Variants in TBC1D8 observed in about 807,000 individuals in gnomAD.
The protein encoded by TBC1D8 is BUB2-like protein 1.
Under a neutral mutation model 118.8 loss-of-function variants are expected in TBC1D8, and 65 were observed. The ratio of observed to expected loss-of-function variants is 0.55; its 90% confidence interval spans 0.45 to 0.67. TBC1D8 has a LOEUF of 0.67. TBC1D8 is among the 30% of genes least tolerant of loss of function. The probability of loss-of-function intolerance (pLI) is 0.00; values close to 1 mark genes in which losing one functional copy is unlikely to be tolerated. For synonymous variants in TBC1D8, 566 were observed against 595.8 expected (o/e 0.95, Z 0.73); for missense variants, 1,376 against 1,471.2 (o/e 0.94, Z 1.06).
intron 2 of TBC1D8, among the ~76,000 whole-genome samples, chr2:101,070,619 G>A (rs550784575): frequency 1.3e-5 from 2 of 151,848 alleles, no homozygotes; most frequent in Non-Finnish European, 2.9e-5. Context: ...CACCATGTTG[G>A]CCAGGCTAGT....
intron 2 of TBC1D8, among the ~76,000 whole-genome samples, chr2:101,089,206 T>G (rs998719330): frequency 7.2e-5 from 11 of 152,136 alleles, no homozygotes; most frequent in African/African-American, 2.7e-4. Context: ...AAATTTAATT[T>G]TTTTTTATTT....
chr2:101,013,962 A>G (rs1295125207), intron 17 of TBC1D8, among the ~76,000 whole-genome samples: 2 of 152,234 alleles, frequency 1.3e-5, no homozygotes, highest in African/African-American at 4.8e-5. Context: ...GCTTGGATTA[A>G]TCAGAAATTC....
Position 101,008,041 on chromosome 2 carries a change from T to C in TBC1D8, c.3248A>G (p.Gln1083Arg). The C allele has an allele frequency of 1.2e-6, 2 of 1,613,970 alleles. No homozygotes were observed. The highest frequency in any genetic ancestry group is 1.7e-6 in the Non-Finnish European group (2 of 1,179,876). The change falls in exon 20 of 20, where the codon CAG becomes CGG. Residue 1083 changes from glutamine (Q) to arginine (R), a missense_variant. Coordinates refer to ENST00000409318, the MANE Select transcript of TBC1D8 (RefSeq NM_001330348.2). ...CGCCTCTGGAAATGCCTGGGAGTCC[T>C]GGGGCGTCTTCCCAGTGTCTGCAAA... ...SVFADTGKTP[Q>R]DSQAFPEAAE...
intron 10 of TBC1D8, 135 bp downstream of exon 10, chr2:101,033,409 G>T (rs766805128): frequency 1.4e-5 from 15 of 1,052,346 alleles, no homozygotes; most frequent in Middle Eastern, 2.0e-4. Flanking sequence ...TTTCTTTCCG[G>T]AAAGGGACCG....
intron 1 of TBC1D8, among the ~76,000 whole-genome samples, chr2:101,127,942 C>G (rs549690416): frequency 2.0e-5 from 3 of 152,338 alleles, no homozygotes; most frequent in Non-Finnish European, 4.4e-5. Context: ...GTTAACTAAG[C>G]ACACTGGCTG....
At chr2:101,019,250 TAAGTGAAGAGAA>T in intron 17 of TBC1D8, 3 of 459,078 alleles carry the variant, frequency 6.5e-6, no homozygotes, top group African/African-American at 1.9e-5. Flanking sequence ...TAATAAGACT[TAAGTGAAGAGAA>T]TTCTTTAGGC....
chr2:101,050,414 G>A lies in TBC1D8; in HGVS notation c.859C>T (p.Gln287Ter). 2 of 1,613,142 alleles carry A rather than the reference G, an allele frequency of 1.2e-6. No individual in the cohort carries two copies. ...DLDPDLQEPS[Q>*]ITKRDLEARA... ...AGTCACTTTCACCTCTTGGTGATCT[G>A]GCTCGGCTCCTGCAGATCGGGGTCG... Residue 287 changes from glutamine (Q) to a stop codon, truncating the protein, a stop_gained, in exon 5 of 20, where the codon CAG becomes TAG. Coordinates refer to ENST00000409318, the MANE Select transcript of TBC1D8 (RefSeq NM_001330348.2). LOFTEE classifies it high-confidence loss of function.
At chr2:101,084,770 C>A (rs1238071847) in intron 2 of TBC1D8, among the ~76,000 whole-genome samples, 1 of 151,974 alleles carries the variant, frequency 6.6e-6, no homozygotes, top group Non-Finnish European at 1.5e-5. Context: ...TGGTACGTGG[C>A]AGGCAACAAA....
In TBC1D8 at chr2:101,037,536, C is replaced by G; in HGVS notation, c.1448G>C (p.Arg483Pro). 1.9e-6 allele frequency: 3 copies of G among 1,612,030 alleles called. No individual in the cohort carries two copies. Among genetic ancestry groups the G allele is most frequent in the Non-Finnish European group, 2.5e-6 (3 of 1,179,758 alleles). ...QQSGSQSPDS[R>P]MSREQIKISL... ...TGGGCACCAGGCGTCACCCACCATT[C>G]GGGAGTCAGGGCTCTGGCTGCCTGA... The change falls in exon 8 of 20, where the codon CGA (arginine) becomes CCA (proline). Residue 483 changes from arginine (R) to proline (P), a missense_variant. By Grantham distance (103) the Arg-to-Pro change is moderately radical. Transcript: ENST00000409318.
intron 2 of TBC1D8, among the ~76,000 whole-genome samples, chr2:101,067,942 C>G (rs1451691333): frequency 6.6e-6 from 1 of 152,164 alleles, no homozygotes; most frequent in Non-Finnish European, 1.5e-5. Flanking sequence ...AAGCGTTCAA[C>G]AATGTTTCAA....
chr2:101,058,002 C>G (rs538819651), intron 3 of TBC1D8, among the ~76,000 whole-genome samples: 1 of 152,188 alleles, frequency 6.6e-6, no homozygotes, highest in African/African-American at 2.4e-5. Flanking sequence ...TTAAGAAGAG[C>G]AACACCTAAA....
At chr2:101,022,546 G>A in intron 15 of TBC1D8, 25 bp from the exon 16 acceptor site, 1 of 1,580,912 alleles carries the variant, frequency 6.3e-7, no homozygotes, top group Non-Finnish European at 8.5e-7. Context: ...GGGAAAGGGA[G>A]TTCTTACCAC....
At chr2:101,067,033 C>T (rs1477256991) in intron 2 of TBC1D8, among the ~76,000 whole-genome samples, 1 of 151,690 alleles carries the variant, frequency 6.6e-6, no homozygotes, top group Non-Finnish European at 1.5e-5. Flanking sequence ...TACGAATCCT[C>T]CCATCTCCTC....
At chr2:101,023,345 C>T (rs753731242) in intron 15 of TBC1D8, among the ~76,000 whole-genome samples, 5 of 151,922 alleles carry the variant, frequency 3.3e-5, no homozygotes, top group South Asian at 4.1e-4. Flanking sequence ...GGGGTTTCAC[C>T]GTGTCAGCCA....
intron 1 of TBC1D8, among the ~76,000 whole-genome samples, chr2:101,147,430 C>T (rs1460804508): frequency 6.6e-6 from 1 of 152,188 alleles, no homozygotes; most frequent in Non-Finnish European, 1.5e-5. Flanking sequence ...TACAATCCTA[C>T]CAAGTGTGAG....
At chr2:101,051,264 TA>T (rs1682057136) in intron 4 of TBC1D8, among the ~76,000 whole-genome samples, 1 of 152,182 alleles carries the variant, frequency 6.6e-6, no homozygotes. Context: ...TTCCTTTGGA[TA>T]TACACCTAGT....
rs117011693 is a variant in TBC1D8, at chr2:101,070,212, C to T, written c.284-10673G>A. Among the ~76,000 whole-genome samples, 150 of 151,816 alleles carry T rather than the reference C, an allele frequency of 9.9e-4. 2 individuals carry two copies. In the East Asian group the frequency reaches 0.028, roughly 28 times the overall value. Reference sequence around the variant, plus strand: ...GATTACATGTGTGAGCCACTGCTCCCGGCCTACATTTTTATTAAAAACCTG... The same window carrying T: ...GATTACATGTGTGAGCCACTGCTCCTGGCCTACATTTTTATTAAAAACCTG... On this transcript the variant is annotated intron_variant, in intron 2 of 19. Coordinates refer to ENST00000409318, the MANE Select transcript of TBC1D8 (RefSeq NM_001330348.2).
intron 1 of TBC1D8, among the ~76,000 whole-genome samples, chr2:101,108,024 C>T (rs555106490): frequency 4.1e-5 from 6 of 144,654 alleles, no homozygotes; most frequent in Non-Finnish European, 7.5e-5. Context: ...CCACTGCATT[C>T]GAGCCTGGGC....
At chr2:101,059,305 G>A (rs984696442) in intron 3 of TBC1D8, 116 bp downstream of exon 3, 14 of 695,414 alleles carry the variant, frequency 2.0e-5, no homozygotes, top group African/African-American at 3.7e-5. Context: ...TTGGCATTAC[G>A]TATTGAGCCA....
Sources: gnomAD v4.1 joint callset for allele counts (sites outside exome capture counted in the v4.1 genomes callset) on GRCh38, gnomAD v4.1.1 for gene constraint, MANE v1.5 for transcripts, NCBI Gene and HGNC (gene_info 2026-07-23, HGNC 2026-07-21) for gene names.